DNAH2: variants seen among roughly 807,000 people sequenced by gnomAD.
DNAH2 encodes axonemal beta dynein heavy chain 2.
In DNAH2, 323 loss-of-function variants were observed where a neutral mutation model predicts 523.5. That is an observed-to-expected ratio of 0.62 (90% confidence interval 0.56 to 0.68). The LOEUF (loss-of-function observed/expected upper bound fraction) is 0.68. Ranked by LOEUF, DNAH2 falls within the 30% of genes least tolerant of loss-of-function variation. The probability of loss-of-function intolerance (pLI) is 0.00; values close to 1 mark genes in which losing one functional copy is unlikely to be tolerated. For synonymous variants in DNAH2, 2,093 were observed against 2,177.4 expected, an observed-to-expected ratio of 0.96 and a Z score of 1.08; for missense variants, 4,907 against 5,701.5, an observed-to-expected ratio of 0.86 and a Z score of 4.49.
intron 3 of DNAH2, among the ~76,000 whole-genome samples, chr17:7,725,783 A>G (rs1238447774): frequency 1.3e-5 from 2 of 148,954 alleles, no homozygotes; most frequent in African/African-American, 5.0e-5. Context: ...TAAAAATGAC[A>G]TATCTATGCA....
chr17:7,738,099 A>G (rs1273402045), intron 8 of DNAH2: 1 of 703,572 alleles, frequency 1.4e-6, no homozygotes. Context: ...CACTACGTAC[A>G]GGCTGTGCAG....
intron 63 of DNAH2, among the ~76,000 whole-genome samples, chr17:7,808,638 A>G (rs766359987): frequency 2.0e-5 from 3 of 151,552 alleles, no homozygotes; most frequent in Non-Finnish European, 2.9e-5. Flanking sequence ...AAAGCAGCCG[A>G]TATTACTGTC....
At chr17:7,738,029 G>A (rs2075192982) in intron 8 of DNAH2, 1 of 703,336 alleles carries the variant, frequency 1.4e-6, no homozygotes, top group Non-Finnish European at 2.6e-6. Flanking sequence ...TGAGGGATAT[G>A]TCTCTTCCAG....
chr17:7,768,127 G>A (rs1318088922), intron 23 of DNAH2, 37 bp from the exon 24 acceptor site: 1 of 1,614,234 alleles, frequency 6.2e-7, no homozygotes. Context: ...TCCCAGGGAG[G>A]TCGTCGGGTC....
Position 7,734,372 on chromosome 17 carries a change from G to A in DNAH2, c.739+79G>A. On this transcript the variant is annotated intron_variant, in intron 6 of 85. Coordinates refer to ENST00000572933, the MANE Select transcript of DNAH2 (RefSeq NM_020877.5). Reference sequence around the variant, plus strand: ...GGGAGGCTCGGATGCTGACAATGGAGTTGGGTTAGGAGGTCTCTGTCGGGG... The same window carrying A: ...GGGAGGCTCGGATGCTGACAATGGAATTGGGTTAGGAGGTCTCTGTCGGGG... 10 of 1,600,368 alleles carry A rather than the reference G, an allele frequency of 6.2e-6. No individual in the cohort carries two copies. In the South Asian group the frequency reaches 1.1e-4, roughly 18 times the overall value.
chr17:7,817,842 A>G lies in DNAH2; in HGVS notation c.10222A>G (p.Met3408Val). Residue 3408 changes from methionine to valine, a missense_variant, in exon 67 of 86, where the codon ATG becomes GTG. By Grantham distance (21) the Met-to-Val change is conservative. Around this residue, in one of 3 missense-constraint regions of DNAH2, gnomAD observed 1,851 missense variants for 2,139.4 expected, o/e 0.87. Coordinates refer to ENST00000572933, the MANE Select transcript of DNAH2 (RefSeq NM_020877.5). ...CCAGGCCCTGAAATGGATTAAGAAC[A>G]TGGAAGGAGGCCAGGTGTGAGGCTG... Reference protein sequence around the residue: ...QAQALKWIKNMEGGQGLKIID... With the variant: ...QAQALKWIKNVEGGQGLKIID... 6.2e-7 allele frequency: 1 copy of G among 1,613,988 alleles called. No individual in the cohort carries two copies. Among genetic ancestry groups the G allele is most frequent in the South Asian group, 1.1e-5 (1 of 91,060 alleles).
Position 7,767,932 on chromosome 17 carries a change from C to A in DNAH2, c.3708C>A (p.Ile1236=). 6.2e-7 allele frequency: 1 copy of A among 1,614,042 alleles called. No individual in the cohort carries two copies. The highest frequency in any genetic ancestry group is 8.5e-7 in the Non-Finnish European group (1 of 1,179,942). Residue 1236 remains isoleucine, a synonymous_variant, in exon 23 of 86, where the codon ATC becomes ATA. Transcript: ENST00000572933. ...ATGCCCTCCAGCAAATCTGGGAGATCGCACGAGACTGGGAGGAGAACTGGA... is the reference window on the plus strand; with the variant it reads ...ATGCCCTCCAGCAAATCTGGGAGATAGCACGAGACTGGGAGGAGAACTGGA... ...ELDALQQIWE[I]ARDWEENWNE...
chr17:7,768,301 C>G (rs375816420), intron 24 of DNAH2, 34 bp downstream of exon 24: 38 of 1,610,492 alleles, frequency 2.4e-5, no homozygotes, highest in Middle Eastern at 1.7e-4. Context: ...GGTGTCCACT[C>G]TGCCCCGCTG....
Position 7,793,451 on chromosome 17 carries a change from CTTTCTTTCTT to C in DNAH2, c.7569+248_7569+257del, listed in dbSNP as rs1567708947. ...GCTTGCTTTTTCTTTCTTTCTTTTT[CTTTCTTTCTT>C]TCTTTCTTTCTTTCTTTCTTTCTTT... On this transcript the variant is annotated intron_variant, in intron 48 of 85. Coordinates refer to ENST00000572933, the MANE Select transcript of DNAH2 (RefSeq NM_020877.5). Among the ~76,000 whole-genome samples the C allele has an allele frequency of 1.8e-3, 98 of 54,168 alleles. 2 individuals carry two copies. The highest frequency in any genetic ancestry group is 0.016 in the Middle Eastern group (2 of 128). The allele number at this position is 54,168 out of a possible 152,430, so 35.5% of individuals were successfully genotyped here. A position where few individuals can be genotyped will look rare whatever the true frequency, so the allele number is the denominator to read the frequency against.
At chr17:7,762,327 A>ATTTCT (rs1389388336) in intron 18 of DNAH2, among the ~76,000 whole-genome samples, 1 of 131,904 alleles carries the variant, frequency 7.6e-6, no homozygotes, top group African/African-American at 2.8e-5. Context: ...TTTGCGTAGG[A>ATTTCT]TTTCTTTTTT....
rs1201052242 is a variant in DNAH2 at position 7,759,840 on chromosome 17, T to C, written c.2687T>C (p.Ile896Thr). The C allele has an allele frequency of 2.5e-6, 4 of 1,614,100 alleles. No homozygotes were observed. The highest frequency in any genetic ancestry group is 3.4e-6 in the Non-Finnish European group (4 of 1,180,046). ...ACTTTGGCAGGTGTGGTCAATGACA[T>C]TGGCAACCACCTCTTTTCCACCATC... ...LQTLAGVVND[I>T]GNHLFSTISV... is the part of the protein sequence containing the mutation. The change falls in exon 17 of 86, where the codon ATT (isoleucine) becomes ACT (threonine). Residue 896 changes from isoleucine to threonine, a missense_variant. By Grantham distance (89) the Ile-to-Thr change is moderately conservative. Coordinates refer to ENST00000572933, the MANE Select transcript of DNAH2 (RefSeq NM_020877.5).
Position 7,757,191 on chromosome 17 carries a change from C to A in DNAH2, c.2005C>A (p.Arg669Ser). 8 of 1,614,176 alleles carry A rather than the reference C, an allele frequency of 5.0e-6. No homozygotes were observed. The highest frequency in any genetic ancestry group is 6.8e-6 in the Non-Finnish European group (8 of 1,180,030). The change falls in exon 13 of 86, where the codon CGC (arginine) becomes AGC (serine). Residue 669 changes from arginine to serine, a missense_variant. Arg to Ser is a moderately radical substitution (Grantham distance 110). Coordinates refer to ENST00000572933, the MANE Select transcript of DNAH2 (RefSeq NM_020877.5). ...VNVAERAEDLRILRENLLLVA... is the reference protein window; with the variant it reads ...VNVAERAEDLSILRENLLLVA... The stretch of plus-strand genomic sequence containing the variant: ...CGTAGCTGAGCGAGCCGAGGACCTG[C>A]GCATTCTGCGTGAAAATCTGCTACT...
intron 12 of DNAH2, among the ~76,000 whole-genome samples, chr17:7,751,660 T>G (rs1474072829): frequency 6.6e-6 from 1 of 152,160 alleles, no homozygotes; most frequent in Non-Finnish European, 1.5e-5. Context: ...GTGTCTATTT[T>G]GGGATTCTCT....
At chr17:7,753,420 A>G (rs2075744877) in intron 12 of DNAH2, among the ~76,000 whole-genome samples, 1 of 152,086 alleles carries the variant, frequency 6.6e-6, no homozygotes, top group African/African-American at 2.4e-5. Flanking sequence ...GGAAGAGATG[A>G]CCAAGGGGGA....
rs915777179 is a variant in DNAH2, at chr17:7,733,168, G to A, written c.481G>A (p.Gly161Arg). ...GAACTTCGAGGCAACTGTGCAGTTT[G>A]GGACGGTGCGGGGCCCCTATATCCC... ...WENFEATVQF[G>R]TVRGPYIPAL... is the part of the protein sequence containing the mutation. Residue 161 changes from glycine (G) to arginine (R), a missense_variant, in exon 5 of 86, where the codon GGG (glycine) becomes AGG (arginine). Around this residue, in one of 3 missense-constraint regions of DNAH2, gnomAD observed 2,806 missense variants for 3,190.8 expected, o/e 0.88. Transcript: ENST00000572933. 2.0e-5 allele frequency: 33 copies of A among 1,614,088 alleles called. No homozygotes were observed. The Admixed American group carries it at 3.8e-4, about 19-fold the overall frequency.
intron 49 of DNAH2, among the ~76,000 whole-genome samples, chr17:7,795,609 G>A (rs2077038693): frequency 6.6e-6 from 1 of 150,772 alleles, no homozygotes. Context: ...AGGAGGTCGA[G>A]CCTGCAGTGA....
chr17:7,773,430 G>A (rs374945137), intron 28 of DNAH2, among the ~76,000 whole-genome samples: 2 of 152,088 alleles, frequency 1.3e-5, no homozygotes, highest in South Asian at 2.1e-4. Context: ...CTAGGAAGAC[G>A]GACCCCCAAG....
intron 20 of DNAH2, among the ~76,000 whole-genome samples, chr17:7,764,892 G>A (rs1321506259): frequency 7.1e-6 from 1 of 141,796 alleles, no homozygotes; most frequent in Non-Finnish European, 1.5e-5. Context: ...ACCCAGGCTG[G>A]AGTGCAGTGG....
chr17:7,778,170 C>G lies in DNAH2; in HGVS notation c.5341C>G (p.Leu1781Val). ...CTCGGGCCGGCTCGTCATCACCCCC[C>G]TGACGGACAGGTCTGCCATGTGGGA... The part of the protein sequence containing the change: ...GNSGRLVITP[L>V]TDRCYMTLTT... The change falls in exon 34 of 86, where the codon CTG (leucine) becomes GTG (valine). Residue 1781 changes from leucine (L) to valine (V), a missense_variant. Transcript: ENST00000572933. 4.3e-6 allele frequency: 7 copies of G among 1,614,264 alleles called. No individual in the cohort carries two copies. Among genetic ancestry groups the G allele is most frequent in the South Asian group, 2.2e-5 (2 of 91,076 alleles).
Sources: gnomAD v4.1 joint callset for allele counts (sites outside exome capture counted in the v4.1 genomes callset) on GRCh38, gnomAD v4.1.1 for gene constraint, gnomAD v4.1.1 regional missense constraint, MANE v1.5 for transcripts, NCBI Gene and HGNC (gene_info 2026-07-23, HGNC 2026-07-21) for gene names.